AMZ1: variants seen among roughly 807,000 people sequenced by gnomAD.
The protein encoded by AMZ1 is archaemetzincin-1.
AMZ1 carries 39 observed loss-of-function variants against 29.9 expected under a neutral mutation model. The observed-to-expected ratio is 1.30, with a 90% CI of 1.01 to 1.70. The LOEUF (loss-of-function observed/expected upper bound fraction) is 1.70, where lower values mean the gene tolerates loss of function less well. AMZ1 is among the 40% of genes most tolerant of loss of function. The probability of loss-of-function intolerance (pLI) is 0.00; values close to 1 mark genes in which losing one functional copy is unlikely to be tolerated. For synonymous variants in AMZ1, 458 were observed against 304.0 expected, an observed-to-expected ratio of 1.51 and a Z score of -5.27; for missense variants, 1,041 against 680.6, an observed-to-expected ratio of 1.53 and a Z score of -5.89.
rs749682380 is a variant in AMZ1 at position 2,731,252 on chromosome 7, C to T, written n.550+21436C>T. 23 of 1,613,660 alleles carry T rather than the reference C, an allele frequency of 1.4e-5. No individual in the cohort carries two copies. The highest frequency in any genetic ancestry group is 5.0e-5 in the Admixed American group (3 of 59,974). ...TTCACAGCATGGAACACGAAGCGGA[C>T]GTTCTCGGTGTCGATGGCGGTGGTG... On this transcript the variant is annotated intron_variant and non_coding_transcript_variant, in intron 4 of 4. Coordinates refer to the AMZ1 transcript ENST00000489665. This position sits in a 1 kb window ranked among gnomAD's most constrained non-coding sequence, Gnocchi z 6.0.
intron 3 of AMZ1, among the ~76,000 whole-genome samples, chr7:2,704,300 C>G (rs575084277): frequency 3.3e-5 from 5 of 152,248 alleles, no homozygotes; most frequent in Admixed American, 2.0e-4. Flanking sequence ...AGCAGGTGTT[C>G]AAGACCAGCC....
rs983744128 is a variant in AMZ1, at chr7:2,717,477, A to G, written c.*4599A>G. On this transcript the variant is annotated 3_prime_UTR_variant, in exon 7 of 7. Coordinates refer to ENST00000683327, the MANE Select transcript of AMZ1 (RefSeq NM_001384743.1). The stretch of plus-strand genomic sequence containing the variant: ...CGCCCTGTACCCAAGGGCTCTCTGG[A>G]GCTCACCCCGCACGCAGGCTGCTCC... Among the ~76,000 whole-genome samples, 3 of 152,126 alleles carry G rather than the reference A, an allele frequency of 2.0e-5. No individual in the cohort carries two copies. Among genetic ancestry groups the G allele is most frequent in the Admixed American group, 6.5e-5 (1 of 15,268 alleles).
intron 1 of AMZ1, among the ~76,000 whole-genome samples, chr7:2,699,710 G>C (rs887359811): frequency 6.6e-6 from 1 of 152,172 alleles, no homozygotes; most frequent in South Asian, 2.1e-4. Flanking sequence ...AACCCCAGGC[G>C]ATGGGGGGAC....
downstream of AMZ1, among the ~76,000 whole-genome samples, chr7:2,720,700 C>G (rs1278905025): frequency 6.6e-6 from 1 of 150,864 alleles, no homozygotes; most frequent in East Asian, 1.9e-4. Flanking sequence ...TGCGCCCAGC[C>G]TTTAAAAAAA....
intron 1 of AMZ1, among the ~76,000 whole-genome samples, chr7:2,699,753 G>C (rs1300378750): frequency 6.6e-6 from 1 of 152,192 alleles, no homozygotes; most frequent in Admixed American, 6.5e-5. Context: ...TGATCATGCC[G>C]TGGAGAGGAG....
chr7:2,696,654 G>A (rs1313054551), intron 1 of AMZ1, among the ~76,000 whole-genome samples: 1 of 151,904 alleles, frequency 6.6e-6, no homozygotes, highest in African/African-American at 2.4e-5. Context: ...GGAGGCTGAG[G>A]TGGGCAGATC....
In AMZ1 at chr7:2,731,283, G is replaced by C. The variant is rs1158817269; in HGVS notation, n.550+21467G>C. 1.2e-6 allele frequency: 2 copies of C among 1,612,526 alleles called. No individual in the cohort carries two copies. Among genetic ancestry groups the C allele is most frequent in the African/African-American group, 1.3e-5 (1 of 74,390 alleles). On this transcript the variant is annotated intron_variant and non_coding_transcript_variant, in intron 4 of 4. Transcript: ENST00000489665. This position sits in a 1 kb window ranked among gnomAD's most constrained non-coding sequence, Gnocchi z 6.0. ...CGGTGTCGATGGCGGTGGTGAAGTG[G>C]TGGAAGAGTGGCTTGCTGCGGTTCC...
intron 4 of AMZ1, among the ~76,000 whole-genome samples, chr7:2,747,040 CAA>C (rs1290416134): frequency 6.6e-6 from 1 of 151,952 alleles, no homozygotes; most frequent in African/African-American, 2.4e-5. Flanking sequence ...GCTTACCAAC[CAA>C]AAAAAGTCCA....
chr7:2,718,567 C>T lies in AMZ1; in HGVS notation c.*5689C>T, dbSNP rs140712951. Among the ~76,000 whole-genome samples, 544 of 152,328 alleles carry T rather than the reference C, an allele frequency of 3.6e-3. 1 individual carries two copies. The highest frequency in any genetic ancestry group is 4.9e-3 in the Non-Finnish European group (333 of 68,030). On this transcript the variant is annotated 3_prime_UTR_variant, in exon 7 of 7. Transcript: ENST00000683327. Reference sequence around the variant, plus strand: ...GGCACGTGGACGAAGGTGATGAGCGCGGCTGACGGCTCCCGGGGGCAGTGT... The same window carrying T: ...GGCACGTGGACGAAGGTGATGAGCGTGGCTGACGGCTCCCGGGGGCAGTGT...
chr7:2,716,778 C>T lies in AMZ1; in HGVS notation c.*3900C>T, dbSNP rs1789146939. Among the ~76,000 whole-genome samples, 1 of 152,186 alleles carries T rather than the reference C, an allele frequency of 6.6e-6. No individual in the cohort carries two copies. The highest frequency in any genetic ancestry group is 6.5e-5 in the Admixed American group (1 of 15,286). Reference sequence around the variant, plus strand: ...AACTCCACCGCTTAAGGGGTCCTTCCTATGTAACGGAATTTTTTTACATCA... The same window carrying T: ...AACTCCACCGCTTAAGGGGTCCTTCTTATGTAACGGAATTTTTTTACATCA... On this transcript the variant is annotated 3_prime_UTR_variant, in exon 7 of 7. Transcript: ENST00000683327.
At chr7:2,763,032 A>G, upstream of AMZ1, 1 of 1,258,554 alleles carries the variant, frequency 7.9e-7, no homozygotes, top group Non-Finnish European at 1.0e-6. Context: ...CTGGCCCAGG[A>G]CTCAGCGTGC....
chr7:2,712,444 G>A lies in AMZ1; in HGVS notation c.1063G>A (p.Glu355Lys). The A allele has an allele frequency of 6.2e-7, 1 of 1,611,772 alleles. No individual in the cohort carries two copies. The highest frequency in any genetic ancestry group is 1.1e-5 in the South Asian group (1 of 91,034). Reference sequence around the variant, plus strand: ...CAGCGCCGACTCGGGCATGTGCTGTGAGAGTGACTCGGAGCCCGGCACCAG... The same window carrying A: ...CAGCGCCGACTCGGGCATGTGCTGTAAGAGTGACTCGGAGCCCGGCACCAG... The part of the protein sequence containing the change: ...PASADSGMCC[E>K]SDSEPGTSVS... Residue 355 changes from glutamate to lysine, a missense_variant, in exon 7 of 7, where the codon GAG becomes AAG. Transcript: ENST00000683327.
In AMZ1 at chr7:2,717,439, C is replaced by G. The variant is rs536437016; in HGVS notation, c.*4561C>G. ...CCTGGCTGCCGTCCTGGGAGAGGCCCCGGGAACCGGCTCGCCCTGTACCCA... is the reference window on the plus strand; with the variant it reads ...CCTGGCTGCCGTCCTGGGAGAGGCCGCGGGAACCGGCTCGCCCTGTACCCA... On this transcript the variant is annotated 3_prime_UTR_variant, in exon 7 of 7. Coordinates refer to ENST00000683327, the MANE Select transcript of AMZ1 (RefSeq NM_001384743.1). Among the ~76,000 whole-genome samples, 2 of 152,334 alleles carry G rather than the reference C, an allele frequency of 1.3e-5. No homozygotes were observed. Among genetic ancestry groups the G allele is most frequent in the African/African-American group, 2.4e-5 (1 of 41,572 alleles).
At chr7:2,720,364 A>G (rs932893364), downstream of AMZ1, among the ~76,000 whole-genome samples, 20 of 152,056 alleles carry the variant, frequency 1.3e-4, no homozygotes, top group Non-Finnish European at 2.5e-4. Flanking sequence ...ACAAAAAGAG[A>G]AAGACTAGTG....
At position 2,702,733 on chromosome 7, in the gene AMZ1, G is replaced by A; in HGVS notation, c.316G>A (p.Glu106Lys). Residue 106 changes from glutamate to lysine, a missense_variant, in exon 3 of 7, where the codon GAG becomes AAG. Physicochemically the swap from Glu to Lys is moderately conservative, Grantham distance 56 (BLOSUM62 1). Coordinates refer to ENST00000683327, the MANE Select transcript of AMZ1 (RefSeq NM_001384743.1). ...TGCTCTCCCACCAGACCTGAGCGAG[G>A]AGCCGGTGGGAAGCTCCCTGCTGCA... ...IYLQPIDLSE[E>K]PVGSSLLHQL... is the part of the protein sequence containing the mutation. 1 of 1,535,934 alleles carries A rather than the reference G, an allele frequency of 6.5e-7. No individual in the cohort carries two copies. The highest frequency in any genetic ancestry group is 1.2e-5 in the South Asian group (1 of 83,810).
chr7:2,703,335 C>A (rs191981985), intron 3 of AMZ1, among the ~76,000 whole-genome samples: 4 of 152,048 alleles, frequency 2.6e-5, no homozygotes, highest in African/African-American at 9.7e-5. Flanking sequence ...GAGACAGGGT[C>A]TCACTGTGTT....
chr7:2,764,432 G>A (rs1791717059), upstream of AMZ1, among the ~76,000 whole-genome samples: 3 of 152,096 alleles, frequency 2.0e-5, no homozygotes, highest in Non-Finnish European at 4.4e-5. Flanking sequence ...GCTGACCAGA[G>A]GAGAGTTGAG....
chr7:2,684,075 G>A (rs181196213), upstream of AMZ1, among the ~76,000 whole-genome samples: 1 of 151,992 alleles, frequency 6.6e-6, no homozygotes, highest in Non-Finnish European at 1.5e-5. Context: ...CTACTCAGGA[G>A]GCTGAAGCAG....
chr7:2,712,382 C>CG lies in AMZ1; in HGVS notation c.1006dup (p.Glu336GlyfsTer20), dbSNP rs763160409. The CG allele has an allele frequency of 1.9e-6, 3 of 1,607,074 alleles. No individual in the cohort carries two copies. Among genetic ancestry groups the CG allele is most frequent in the East Asian group, 2.2e-5 (1 of 44,842 alleles). On this transcript the variant is annotated frameshift_variant, in exon 7 of 7. Transcript: ENST00000683327. LOFTEE classifies it low-confidence loss of function (END_TRUNC). ...GTGGGGACGTGGCCCAGCCAGGAGGCGGGGGAGCCGTCAGTGTGGGAGGAC... is the reference window on the plus strand; with the variant it reads ...GTGGGGACGTGGCCCAGCCAGGAGGCGGGGGGAGCCGTCAGTGTGGGAGGAC...
Sources: gnomAD v4.1 joint callset for allele counts (sites outside exome capture counted in the v4.1 genomes callset) on GRCh38, gnomAD v4.1.1 for gene constraint, Gnocchi (gnomAD v3.1) non-coding constraint, MANE v1.5 for transcripts, NCBI Gene and HGNC (gene_info 2026-07-23, HGNC 2026-07-21) for gene names.